KDM1B: variants seen among roughly 807,000 people sequenced by gnomAD.
The protein encoded by KDM1B is lysine-specific histone demethylase 2.
A neutral mutation model predicts 107.4 loss-of-function variants in KDM1B; 63 were observed. The ratio of observed to expected loss-of-function variants is 0.59; its 90% CI spans 0.48 to 0.72. The LOEUF (loss-of-function observed/expected upper bound fraction) is 0.72, where lower values mean the gene tolerates loss of function less well. KDM1B is among the 30% of genes least tolerant of loss of function. The probability of loss-of-function intolerance (pLI) is 0.00; values close to 1 mark genes in which losing one functional copy is unlikely to be tolerated. For synonymous variants in KDM1B, 363 were observed against 363.9 expected (o/e 1.00, Z 0.03); for missense variants, 749 against 1,020.8 (o/e 0.73, Z 3.63).
rs773315601 is a variant in KDM1B, at chr6:18,205,555, A to G, written c.1550A>G (p.Tyr517Cys). The G allele has an allele frequency of 6.5e-7, 1 of 1,547,426 alleles. No individual in the cohort carries two copies. The highest frequency in any genetic ancestry group is 1.2e-5 in the South Asian group (1 of 83,956). ...ATTACAGAAAAGATAGAAGAAATCT[A>G]CAAGGCATTTATTAAGGAATCTGGT... ...VPLGEKIEEIYKAFIKESGIQ... is the reference protein window; with the variant it reads ...VPLGEKIEEICKAFIKESGIQ... Residue 517 changes from tyrosine to cysteine, a missense_variant, in exon 15 of 22, where the codon TAC becomes TGC. Coordinates refer to ENST00000650836, the MANE Select transcript of KDM1B (RefSeq NM_001364614.2). The surrounding 1 kb of genome is among the most constrained non-coding windows in gnomAD (Gnocchi z 5.7).
chr6:18,208,068 C>T (rs891397041), intron 16 of KDM1B, 64 bp from the exon 17 acceptor site: 17 of 1,166,268 alleles, frequency 1.5e-5, no homozygotes, highest in Non-Finnish European at 1.8e-5. Flanking sequence ...ATATGAGAAT[C>T]GGAAAGGATC....
At chr6:18,189,481 A>G (rs991708879) in intron 9 of KDM1B, among the ~76,000 whole-genome samples, 1 of 152,236 alleles carries the variant, frequency 6.6e-6, no homozygotes, top group Non-Finnish European at 1.5e-5. Flanking sequence ...AAATCCAAAG[A>G]TAGGTACAAA....
At chr6:18,187,606 T>C (rs956998052) in intron 8 of KDM1B, among the ~76,000 whole-genome samples, 186 bp from the exon 9 acceptor site, 11 of 152,278 alleles carry the variant, frequency 7.2e-5, no homozygotes, top group African/African-American at 2.2e-4. Flanking sequence ...CCAGGTGTTA[T>C]CAGCCCATTT....
intron 21 of KDM1B, among the ~76,000 whole-genome samples, chr6:18,218,118 CTCTT>C (rs530291585): frequency 1.3e-3 from 199 of 152,054 alleles, no homozygotes; most frequent in Non-Finnish European, 1.8e-3. Flanking sequence ...ATTGCCATCT[CTCTT>C]TCTTTTTTGT....
chr6:18,220,310 T>C (rs575950247), intron 21 of KDM1B, among the ~76,000 whole-genome samples: 116 of 152,330 alleles, frequency 7.6e-4, no homozygotes, highest in African/African-American at 2.6e-3. Flanking sequence ...TCCCAGCACA[T>C]TGCTGAGACA....
intron 20 of KDM1B, among the ~76,000 whole-genome samples, chr6:18,217,015 A>G (rs1789287339): frequency 6.6e-6 from 1 of 152,106 alleles, no homozygotes; most frequent in Non-Finnish European, 1.5e-5. Context: ...TTTGTGGAGA[A>G]CCCTGTTGAG....
At chr6:18,183,922 T>C (rs530931445) in intron 7 of KDM1B, among the ~76,000 whole-genome samples, 1 of 152,224 alleles carries the variant, frequency 6.6e-6, no homozygotes, top group Admixed American at 6.5e-5. Flanking sequence ...AAGAATGTCT[T>C]TGAAATACAG....
chr6:18,216,352 A>ATT (rs1196250420), intron 20 of KDM1B, among the ~76,000 whole-genome samples: 1 of 152,228 alleles, frequency 6.6e-6, no homozygotes, highest in Non-Finnish European at 1.5e-5. Context: ...AAGTGCTGGG[A>ATT]TTACAGGTGT....
rs73366524 is a variant in KDM1B at position 18,214,975 on chromosome 6, C to G, written c.2110-32C>G. 4.6e-3 allele frequency: 7,371 copies of G among 1,610,940 alleles called. 274 individuals are homozygous for G. The African/African-American group carries it at 0.086, about 19-fold the overall frequency. ...CTTATCTGTGGGAGCTGAGCACTCACAGACCTCCTGCTTTTCCTTTCATGT... is the reference window on the plus strand; with the variant it reads ...CTTATCTGTGGGAGCTGAGCACTCAGAGACCTCCTGCTTTTCCTTTCATGT... On this transcript the variant is annotated intron_variant, in intron 19 of 21. Transcript: ENST00000650836. This position sits in a 1 kb window ranked among gnomAD's most constrained non-coding sequence, Gnocchi z 4.4.
intron 7 of KDM1B, among the ~76,000 whole-genome samples, chr6:18,184,735 C>CTTTTTTT (rs1786725164): frequency 3.7e-5 from 2 of 53,584 alleles, no homozygotes; most frequent in South Asian, 5.3e-4. Flanking sequence ...TAGCTTTTTT[C>CTTTTTTT]CTTTTTTTTT....
At chr6:18,160,828 CTTTTTTT>C (rs3077192) in intron 3 of KDM1B, among the ~76,000 whole-genome samples, 2 of 123,260 alleles carry the variant, frequency 1.6e-5, no homozygotes, top group East Asian at 2.3e-4. Context: ...ACTCATGTCA[CTTTTTTT>C]TTTTTTTTTT....
intron 9 of KDM1B, among the ~76,000 whole-genome samples, chr6:18,188,722 T>G (rs1787056766): frequency 6.6e-6 from 1 of 152,058 alleles, no homozygotes; most frequent in Non-Finnish European, 1.5e-5. Flanking sequence ...CAAGCAATTC[T>G]CCTGCCTCAG....
At position 18,209,803 on chromosome 6, in the gene KDM1B, C is replaced by G. The variant is rs562908225; in HGVS notation, c.1866+1597C>G. Reference sequence around the variant, plus strand: ...TGTTTTTAAAGCTTCTCAAGTGATTCCAGTGTGCAGCCGTGGTTGAGAACC... The same window carrying G: ...TGTTTTTAAAGCTTCTCAAGTGATTGCAGTGTGCAGCCGTGGTTGAGAACC... On this transcript the variant is annotated intron_variant, in intron 17 of 21. Transcript: ENST00000650836. The surrounding 1 kb of genome is among the most constrained non-coding windows in gnomAD (Gnocchi z 4.3). Among the ~76,000 whole-genome samples, 48 of 152,228 alleles carry G rather than the reference C, an allele frequency of 3.2e-4. No individual in the cohort carries two copies. Among genetic ancestry groups the G allele is most frequent in the African/African-American group, 1.1e-3 (47 of 41,538 alleles).
rs560609577 is a variant in KDM1B, at chr6:18,192,365, C to A, written c.969+984C>A. Among the ~76,000 whole-genome samples, 13 of 152,244 alleles carry A rather than the reference C, an allele frequency of 8.5e-5. No individual in the cohort carries two copies. In the South Asian group the frequency reaches 2.1e-3, roughly 24 times the overall value. ...GAATTCAGAACATTGTGCAAGACTG[C>A]CAAAGTGATCTTGACTAAAGAAAGA... On this transcript the variant is annotated intron_variant, in intron 10 of 21. Transcript: ENST00000650836.
In KDM1B at chr6:18,201,408, G is replaced by A; in HGVS notation, c.1360-78G>A. 9.5e-7 allele frequency: 1 copy of A among 1,051,636 alleles called. No homozygotes were observed. The highest frequency in any genetic ancestry group is 1.4e-6 in the Non-Finnish European group (1 of 731,302). 65.1% of individuals were successfully genotyped at this position (1,051,636 alleles called of 1,614,324 possible). On this transcript the variant is annotated intron_variant, in intron 13 of 21. Coordinates refer to ENST00000650836, the MANE Select transcript of KDM1B (RefSeq NM_001364614.2). This position sits in a 1 kb window ranked among gnomAD's most constrained non-coding sequence, Gnocchi z 4.3. ...AGACCATTTTCTCCATGAGAGCTCT[G>A]TCTGATTTTCAGCTTAGAACCTGTA...
chr6:18,217,516 C>CT (rs1789338233), intron 20 of KDM1B, among the ~76,000 whole-genome samples: 1 of 151,914 alleles, frequency 6.6e-6, no homozygotes, highest in South Asian at 2.1e-4. Flanking sequence ...GTAGCTGGGA[C>CT]TACAGGCGCC....
intron 9 of KDM1B, among the ~76,000 whole-genome samples, chr6:18,189,303 A>G (rs1787115894): frequency 6.6e-6 from 1 of 152,198 alleles, no homozygotes; most frequent in Non-Finnish European, 1.5e-5. Context: ...TAAAGTGGTA[A>G]TTCCCAGGGT....
chr6:18,215,701 TCTTC>T (rs1460037213), intron 20 of KDM1B, among the ~76,000 whole-genome samples: 1 of 152,002 alleles, frequency 6.6e-6, no homozygotes, highest in African/African-American at 2.4e-5. Flanking sequence ...TACACAATTG[TCTTC>T]CTTCCTTTTT....
intron 21 of KDM1B, among the ~76,000 whole-genome samples, chr6:18,218,089 A>T (rs1582224204): frequency 6.6e-6 from 1 of 151,808 alleles, no homozygotes; most frequent in Non-Finnish European, 1.5e-5. Context: ...ACTTCACTTC[A>T]TATTTTAAAA....
Sources: gnomAD v4.1 joint callset for allele counts (sites outside exome capture counted in the v4.1 genomes callset) on GRCh38, gnomAD v4.1.1 for gene constraint, Gnocchi (gnomAD v3.1) non-coding constraint, MANE v1.5 for transcripts, NCBI Gene and HGNC (gene_info 2026-07-23, HGNC 2026-07-21) for gene names.